LRRC7: variants seen among roughly 807,000 people sequenced by gnomAD.
The protein encoded by LRRC7 is leucine rich repeat containing 7, also known as leucine-rich repeat-containing protein 7.
In LRRC7, 23 loss-of-function variants were observed where a neutral mutation model predicts 175.7. The observed-to-expected ratio is 0.13, with a 90% confidence interval of 0.09 to 0.19. LRRC7 has a LOEUF of 0.19. Ranked by LOEUF, LRRC7 falls within the 10% of genes least tolerant of loss-of-function variation. LRRC7 has a pLI of 1.00. For missense variants in LRRC7, 1,354 were observed against 1,904.7 expected, an observed-to-expected ratio of 0.71 and a Z score of 5.38; for synonymous variants, 685 against 680.9, an observed-to-expected ratio of 1.01 and a Z score of -0.09.
rs1677853806 is a variant in LRRC7, at chr1:69,811,455, A to G, written c.422-14293A>G. On this transcript the variant is annotated intron_variant, in intron 4 of 26. Coordinates refer to ENST00000651989, the MANE Select transcript of LRRC7 (RefSeq NM_001370785.2). ...AAAGGATTATAAATCATTCTAATATAAAGACACATGGACACGTATGTTTAT... is the reference window on the plus strand; with the variant it reads ...AAAGGATTATAAATCATTCTAATATGAAGACACATGGACACGTATGTTTAT... Among the ~76,000 whole-genome samples the G allele has an allele frequency of 2.0e-5, 3 of 152,316 alleles. No homozygotes were observed. The South Asian group carries it at 6.2e-4, about 32-fold the overall frequency.
intron 7 of LRRC7, among the ~76,000 whole-genome samples, chr1:69,852,722 GA>G (rs1683123293): frequency 6.6e-6 from 1 of 151,988 alleles, no homozygotes; most frequent in African/African-American, 2.4e-5. Flanking sequence ...AATTTTAATT[GA>G]AAAAATAAAT....
At chr1:69,623,430 A>T (rs910989776) in intron 1 of LRRC7, among the ~76,000 whole-genome samples, 3 of 150,372 alleles carry the variant, frequency 2.0e-5, no homozygotes, top group Non-Finnish European at 4.5e-5. Context: ...TAGCTCTGCT[A>T]TGAGGAAAAA....
chr1:69,882,187 A>G (rs950551879), intron 7 of LRRC7, among the ~76,000 whole-genome samples: 3 of 152,156 alleles, frequency 2.0e-5, no homozygotes, highest in African/African-American at 4.8e-5. Flanking sequence ...ATCACAGTAT[A>G]CCAGTTAGGA....
chr1:69,985,817 C>G (rs1653890271), intron 9 of LRRC7, among the ~76,000 whole-genome samples: 1 of 152,038 alleles, frequency 6.6e-6, no homozygotes, highest in Non-Finnish European at 1.5e-5. Context: ...ATACTTTATT[C>G]CTTTTTATTA....
chr1:70,089,687 G>A (rs1663878035), intron 24 of LRRC7, 40 bp from the exon 25 acceptor site: 2 of 1,312,716 alleles, frequency 1.5e-6, no homozygotes, highest in Non-Finnish European at 2.2e-6. Context: ...ATTTAGCTTT[G>A]ATAACTGTTT....
chr1:69,847,931 C>T (rs1161575649), intron 7 of LRRC7, among the ~76,000 whole-genome samples: 3 of 152,134 alleles, frequency 2.0e-5, no homozygotes, highest in African/African-American at 7.2e-5. Flanking sequence ...TTGAAGTCAA[C>T]ATTTCTGGCT....
At chr1:69,759,468 A>G (rs1202060118) in intron 2 of LRRC7, among the ~76,000 whole-genome samples, 1 of 152,048 alleles carries the variant, frequency 6.6e-6, no homozygotes, top group Non-Finnish European at 1.5e-5. Flanking sequence ...AATAGGAGAA[A>G]GATGTGTCAG....
At chr1:69,954,087 A>G (rs774738004) in intron 8 of LRRC7, among the ~76,000 whole-genome samples, 4 of 152,020 alleles carry the variant, frequency 2.6e-5, no homozygotes, top group Non-Finnish European at 5.9e-5. Flanking sequence ...GAATTGGTCT[A>G]CGTTAATGGG....
intron 1 of LRRC7, among the ~76,000 whole-genome samples, chr1:69,662,052 G>A (rs1003190700): frequency 6.6e-6 from 1 of 152,116 alleles, no homozygotes; most frequent in Non-Finnish European, 1.5e-5. Context: ...GCTCAGGTGG[G>A]AAGATTGTAG....
chr1:69,899,759 A>G (rs555009302), intron 7 of LRRC7, among the ~76,000 whole-genome samples: 9 of 152,286 alleles, frequency 5.9e-5, no homozygotes, highest in African/African-American at 1.9e-4. Context: ...TCCCTCCTTA[A>G]TAGGATTAAG....
chr1:70,034,029 T>C (rs1454365373), intron 18 of LRRC7, among the ~76,000 whole-genome samples: 1 of 152,120 alleles, frequency 6.6e-6, no homozygotes, highest in East Asian at 1.9e-4. Context: ...ATGATGATAA[T>C]GCCCAGAGAA....
chr1:69,788,474 A>G (rs767125316), intron 3 of LRRC7, among the ~76,000 whole-genome samples: 50 of 152,202 alleles, frequency 3.3e-4, no homozygotes, highest in Non-Finnish European at 6.3e-4. Flanking sequence ...AAATCATAGC[A>G]CATAATAGAT....
intron 2 of LRRC7, among the ~76,000 whole-genome samples, chr1:69,720,756 A>G (rs1666256056): frequency 6.6e-6 from 1 of 151,814 alleles, no homozygotes; most frequent in African/African-American, 2.4e-5. Flanking sequence ...TCTGTTAAGA[A>G]CAGTCATTAA....
rs373524453 is a variant in LRRC7 at position 70,121,150 on chromosome 1, G to C, written c.4621-630G>C. On this transcript the variant is annotated intron_variant, in intron 26 of 26. Transcript: ENST00000651989. ...ACAGAAGACAGCAGACATGTCCTCT[G>C]TTACTAATGTCAGTGTGTTTTATCC... 5.3e-5 allele frequency among the ~76,000 whole-genome samples: 8 copies of C among 152,114 alleles called. No individual in the cohort carries two copies. In the South Asian group the frequency reaches 6.2e-4, roughly 12 times the overall value.
intron 1 of LRRC7, among the ~76,000 whole-genome samples, chr1:69,632,992 G>A (rs1446423767): frequency 6.6e-6 from 1 of 151,970 alleles, no homozygotes; most frequent in Non-Finnish European, 1.5e-5. Flanking sequence ...TTAATGCAAT[G>A]AGATCACAGA....
intron 25 of LRRC7, among the ~76,000 whole-genome samples, chr1:70,091,378 T>C (rs1664019692): frequency 6.6e-6 from 1 of 152,182 alleles, no homozygotes; most frequent in African/African-American, 2.4e-5. Context: ...TTTTTGTCTT[T>C]CATTTTACAT....
chr1:69,603,463 A>G (rs1369179253), intron 1 of LRRC7, among the ~76,000 whole-genome samples: 1 of 152,180 alleles, frequency 6.6e-6, no homozygotes, highest in Admixed American at 6.5e-5. Context: ...TTAGTATGTT[A>G]TCGTTGTTAC....
chr1:69,619,778 T>A (rs1294241029), intron 1 of LRRC7, among the ~76,000 whole-genome samples: 2 of 152,168 alleles, frequency 1.3e-5, no homozygotes, highest in Non-Finnish European at 2.9e-5. Context: ...CTGATAAGAT[T>A]GGTGGTGAGA....
chr1:69,693,372 G>T lies in LRRC7; in HGVS notation c.100+14894G>T, dbSNP rs559289788. Among the ~76,000 whole-genome samples the T allele has an allele frequency of 8.3e-4, 126 of 152,280 alleles. 1 individual carries two copies. Among genetic ancestry groups the T allele is most frequent in the African/African-American group, 2.9e-3 (119 of 41,558 alleles). On this transcript the variant is annotated intron_variant, in intron 2 of 26. Coordinates refer to ENST00000651989, the MANE Select transcript of LRRC7 (RefSeq NM_001370785.2). ...GAGAAACAGAACCTATAGAATGTATGTGTATGTATAGAGAGAGATTTATTT... is the reference window on the plus strand; with the variant it reads ...GAGAAACAGAACCTATAGAATGTATTTGTATGTATAGAGAGAGATTTATTT...
Sources: allele counts gnomAD v4.1 joint callset (sites outside exome capture counted in the v4.1 genomes callset), GRCh38; gene constraint gnomAD v4.1.1; transcripts MANE v1.5; gene names NCBI Gene and HGNC (gene_info 2026-07-23, HGNC 2026-07-21).